Variants in GLRA3 observed in about 807,000 individuals in gnomAD.
GLRA3 encodes glycine receptor alpha 3.
Under a neutral mutation model 60.4 loss-of-function variants are expected in GLRA3, and 44 were observed. That is an observed-to-expected ratio of 0.73 (90% CI 0.57 to 0.94). GLRA3 has a LOEUF of 0.94. GLRA3 is among the 40% of genes least tolerant of loss of function. GLRA3 has a pLI of 0.00. For missense variants in GLRA3, 508 were observed against 564.6 expected, an observed-to-expected ratio of 0.90 and a Z score of 1.02; for synonymous variants, 223 against 192.9, an observed-to-expected ratio of 1.16 and a Z score of -1.29.
At chr4:174,686,224 T>G (rs1389318978) in intron 5 of GLRA3, among the ~76,000 whole-genome samples, 1 of 152,240 alleles carries the variant, frequency 6.6e-6, no homozygotes, top group Non-Finnish European at 1.5e-5. Context: ...GTGGTAATAT[T>G]GTCTTAATAA....
In GLRA3 at chr4:174,659,182, C is replaced by A. The variant is rs751776274; in HGVS notation, c.943G>T (p.Ala315Ser). The part of the protein sequence containing the change: ...ASLPKVSYVK[A>S]IDIWMAVCLL... The stretch of plus-strand genomic sequence containing the variant: ...CATACTGCCATCCAAATATCAATAG[C>A]TTTGACATATGAAACCTAGCCAAGA... Residue 315 changes from alanine (A) to serine (S), a missense_variant, in exon 8 of 10, where the codon GCT (alanine) becomes TCT (serine). Physicochemically the swap from Ala to Ser is moderately conservative, Grantham distance 99. This residue lies in a region of GLRA3 where 176 missense variants were observed against 197.9 expected (regional missense o/e 0.89). Coordinates refer to ENST00000274093, the MANE Select transcript of GLRA3 (RefSeq NM_006529.4). 2 of 1,611,644 alleles carry A rather than the reference C, an allele frequency of 1.2e-6. No individual in the cohort carries two copies. The highest frequency in any genetic ancestry group is 1.1e-5 in the South Asian group (1 of 90,860).
intron 1 of GLRA3, among the ~76,000 whole-genome samples, chr4:174,790,825 CAAAAAA>C (rs751090125): frequency 1.4e-4 from 9 of 65,106 alleles, no homozygotes; most frequent in Admixed American, 2.2e-4. Flanking sequence ...CTAAAAAATA[CAAAAAA>C]AAAAAAAAAA....
In GLRA3 at chr4:174,637,954, C is replaced by T. The variant is rs186475041; in HGVS notation, c.*5832G>A. 3 of 151,576 alleles carry T rather than the reference C, an allele frequency of 2.0e-5. No homozygotes were observed. Among genetic ancestry groups the T allele is most frequent in the Admixed American group, 6.6e-5 (1 of 15,246 alleles). The allele number at this position is 151,576 out of a possible 1,614,324, so 9.4% of individuals were successfully genotyped here. On this transcript the variant is annotated 3_prime_UTR_variant, in exon 10 of 10. Coordinates refer to ENST00000274093, the MANE Select transcript of GLRA3 (RefSeq NM_006529.4). ...TCATCATTGTTTAACACTTACAATGCTCTCATGAATGGTTTAAATAAGAAT... is the reference window on the plus strand; with the variant it reads ...TCATCATTGTTTAACACTTACAATGTTCTCATGAATGGTTTAAATAAGAAT...
At chr4:174,798,316 A>G (rs1384863769) in intron 1 of GLRA3, among the ~76,000 whole-genome samples, 1 of 151,982 alleles carries the variant, frequency 6.6e-6, no homozygotes, top group African/African-American at 2.4e-5. Flanking sequence ...GGCCCTTGTG[A>G]AAAAAAATTT....
At chr4:174,695,794 A>C (rs1301037501) in intron 5 of GLRA3, among the ~76,000 whole-genome samples, 1 of 152,146 alleles carries the variant, frequency 6.6e-6, no homozygotes, top group Non-Finnish European at 1.5e-5. Context: ...AGGGGATGTC[A>C]AACTACCTCT....
chr4:174,664,498 A>C (rs1465402297), intron 7 of GLRA3, among the ~76,000 whole-genome samples: 2 of 151,990 alleles, frequency 1.3e-5, no homozygotes, highest in East Asian at 3.9e-4. Flanking sequence ...GCAGTTGTTC[A>C]CCCCCAAATC....
At chr4:174,802,405 G>C (rs562417069) in intron 1 of GLRA3, among the ~76,000 whole-genome samples, 42 of 152,152 alleles carry the variant, frequency 2.8e-4, no homozygotes, top group African/African-American at 9.4e-4. Flanking sequence ...ACTACATCCA[G>C]ATAATGAACA....
intron 7 of GLRA3, among the ~76,000 whole-genome samples, chr4:174,667,931 A>T (rs1733743025): frequency 6.6e-6 from 1 of 152,034 alleles, no homozygotes; most frequent in Non-Finnish European, 1.5e-5. Flanking sequence ...TTGAATTGTA[A>T]TACCTGGTGT....
At chr4:174,781,672 G>T (rs981904001) in intron 2 of GLRA3, among the ~76,000 whole-genome samples, 4 of 150,614 alleles carry the variant, frequency 2.7e-5, no homozygotes, top group Non-Finnish European at 4.4e-5. Flanking sequence ...TACCATCAGA[G>T]AATACTACAA....
intron 3 of GLRA3, among the ~76,000 whole-genome samples, chr4:174,754,317 C>T (rs1737601952): frequency 6.6e-6 from 1 of 152,030 alleles, no homozygotes; most frequent in Admixed American, 6.6e-5. Flanking sequence ...GATCAGAGCA[C>T]AATCATTCTG....
At position 174,649,603 on chromosome 4, in the gene GLRA3, TTCTC is replaced by T. The variant is rs1169825044; in HGVS notation, c.1117-5543_1117-5540del. ...GCGCAGGGGTGGTAGTTTTCATTAA[TTCTC>T]TCTAGAATAGCCTGTCTGGCCTACG... On this transcript the variant is annotated intron_variant, in intron 9 of 9. Coordinates refer to ENST00000274093, the MANE Select transcript of GLRA3 (RefSeq NM_006529.4). 4.6e-5 allele frequency among the ~76,000 whole-genome samples: 7 copies of T among 152,276 alleles called. No homozygotes were observed. The East Asian group carries it at 1.4e-3, about 30-fold the overall frequency.
At chr4:174,710,228 G>A (rs912435717) in intron 5 of GLRA3, among the ~76,000 whole-genome samples, 4 of 151,844 alleles carry the variant, frequency 2.6e-5, no homozygotes, top group Admixed American at 2.0e-4. Flanking sequence ...GTCTCAATAA[G>A]CAGTACTTCT....
At chr4:174,804,308 G>C (rs1026927640) in intron 1 of GLRA3, among the ~76,000 whole-genome samples, 1 of 152,124 alleles carries the variant, frequency 6.6e-6, no homozygotes, top group Admixed American at 6.6e-5. Context: ...GGCTGGAAGA[G>C]AGAAAGAGAG....
chr4:174,778,523 G>A lies in GLRA3; in HGVS notation c.199+10293C>T, dbSNP rs532005246. 3.3e-3 allele frequency among the ~76,000 whole-genome samples: 496 copies of A among 152,224 alleles called. 5 individuals carry two copies. The highest frequency in any genetic ancestry group is 0.011 in the African/African-American group (438 of 41,544). On this transcript the variant is annotated intron_variant, in intron 2 of 9. Coordinates refer to ENST00000274093, the MANE Select transcript of GLRA3 (RefSeq NM_006529.4). ...CCTGTCTACAGCTCCCAGCGTGACCGATGCAGAAGACGGGTGATTTCTGCA... is the reference window on the plus strand; with the variant it reads ...CCTGTCTACAGCTCCCAGCGTGACCAATGCAGAAGACGGGTGATTTCTGCA...
At chr4:174,799,186 T>C (rs983334153) in intron 1 of GLRA3, among the ~76,000 whole-genome samples, 5 of 152,322 alleles carry the variant, frequency 3.3e-5, no homozygotes, top group African/African-American at 1.2e-4. Flanking sequence ...ATAATAATGT[T>C]ATTAGTCATA....
chr4:174,813,361 C>CCTTA (rs752233187), intron 1 of GLRA3, among the ~76,000 whole-genome samples: 7 of 152,162 alleles, frequency 4.6e-5, no homozygotes, highest in Non-Finnish European at 8.8e-5. Context: ...ATTAGTGCAG[C>CCTTA]CTTAATAAAT....
At chr4:174,746,028 T>G (rs534422553) in intron 3 of GLRA3, among the ~76,000 whole-genome samples, 6 of 152,118 alleles carry the variant, frequency 3.9e-5, no homozygotes, top group African/African-American at 1.2e-4. Flanking sequence ...AAAAGAGAAC[T>G]CATACACTCT....
intron 5 of GLRA3, among the ~76,000 whole-genome samples, chr4:174,709,708 G>A (rs1438128385): frequency 6.6e-6 from 1 of 151,938 alleles, no homozygotes; most frequent in Non-Finnish European, 1.5e-5. Flanking sequence ...TTCCCAGAGA[G>A]GCCTTTATAA....
intron 5 of GLRA3, among the ~76,000 whole-genome samples, chr4:174,711,967 T>A (rs543408010): frequency 1.3e-5 from 2 of 152,190 alleles, no homozygotes; most frequent in Non-Finnish European, 2.9e-5. Context: ...AATCTCTTTT[T>A]TTCTACATGA....
Sources: allele counts gnomAD v4.1 joint callset (sites outside exome capture counted in the v4.1 genomes callset), GRCh38; gene constraint gnomAD v4.1.1; regional missense constraint gnomAD v4.1.1; transcripts MANE v1.5; gene names NCBI Gene and HGNC (gene_info 2026-07-23, HGNC 2026-07-21).